Variants in HMCN1 observed in about 807,000 individuals in gnomAD.
HMCN1 encodes the protein hemicentin-1.
In HMCN1, 321 loss-of-function variants were observed where a neutral mutation model predicts 625.9. The observed-to-expected ratio is 0.51, with a 90% CI of 0.47 to 0.56. The LOEUF is 0.56. Among genes scored for constraint, HMCN1 ranks in the 20% least tolerant of loss-of-function variants. The pLI, the probability that HMCN1 is intolerant of heterozygous loss-of-function variation, is 0.00. For synonymous variants in HMCN1, 2,425 were observed against 2,417.6 expected (o/e 1.00, Z -0.09); for missense variants, 6,588 against 6,887.3 (o/e 0.96, Z 1.54).
intron 30 of HMCN1, among the ~76,000 whole-genome samples, chr1:186,011,662 C>A (rs1654012275): frequency 6.6e-6 from 1 of 152,102 alleles, no homozygotes; most frequent in Non-Finnish European, 1.5e-5. Flanking sequence ...GAAAATATAT[C>A]CACTGCAAAT....
chr1:186,052,938 T>C lies in HMCN1; in HGVS notation c.6578-14T>C. ...TGAAATGAGTGGAAAAATCATATTT[T>C]TATTTTTTTCTAGTCCCCCCAAATA... is the stretch of plus-strand genomic sequence containing the variant. On this transcript the variant is annotated splice_polypyrimidine_tract_variant and intron_variant, in intron 42 of 106. Coordinates refer to ENST00000271588, the MANE Select transcript of HMCN1 (RefSeq NM_031935.3). 6.3e-7 allele frequency: 1 copy of C among 1,594,834 alleles called. No homozygotes were observed. The highest frequency in any genetic ancestry group is 2.2e-5 in the East Asian group (1 of 44,562).
At chr1:185,923,939 A>C (rs568721151) in intron 8 of HMCN1, among the ~76,000 whole-genome samples, 66 of 152,338 alleles carry the variant, frequency 4.3e-4, no homozygotes, top group African/African-American at 1.5e-3. Flanking sequence ...CCCCTAAAAA[A>C]GCCAGGCAGA....
chr1:185,963,995 A>C, intron 13 of HMCN1, 100 bp downstream of exon 13: 2 of 964,964 alleles, frequency 2.1e-6, no homozygotes, highest in South Asian at 2.6e-5. Flanking sequence ...TAATGCATAC[A>C]TGGTATTATA....
rs377034688 is a variant in HMCN1 at position 186,165,220 on chromosome 1, A to G, written c.15319+47A>G. 24 of 1,506,062 alleles carry G rather than the reference A, an allele frequency of 1.6e-5. No homozygotes were observed. The African/African-American group carries it at 2.9e-4, about 18-fold the overall frequency. 93.3% of individuals were successfully genotyped at this position (1,506,062 alleles called of 1,614,324 possible). A position where few individuals can be genotyped will look rare whatever the true frequency, so the allele number is the denominator to read the frequency against. ...GGGTTTTCTTTTAATGAAAATGTCA[A>G]TATTGGATAGCATTTAATGGGTATC... On this transcript the variant is annotated intron_variant, in intron 98 of 106. Coordinates refer to ENST00000271588, the MANE Select transcript of HMCN1 (RefSeq NM_031935.3).
At chr1:186,116,004 A>G (rs1256309894) in intron 75 of HMCN1, among the ~76,000 whole-genome samples, 2 of 152,164 alleles carry the variant, frequency 1.3e-5, no homozygotes, top group Non-Finnish European at 2.9e-5. Flanking sequence ...CTATCAGATT[A>G]TTACTCTGTC....
intron 4 of HMCN1, among the ~76,000 whole-genome samples, chr1:185,890,386 C>A (rs1424447100): frequency 6.8e-6 from 1 of 147,362 alleles, no homozygotes; most frequent in Admixed American, 6.6e-5. Flanking sequence ...TTTTCTAGTT[C>A]TTTTAGTTGT....
In HMCN1 at chr1:186,088,221, T is replaced by G; in HGVS notation, c.9522T>G (p.Asp3174Glu). Reference protein sequence around the residue: ...TISNPVTLTCDATGIPPPTIA... With the variant: ...TISNPVTLTCEATGIPPPTIA... ...GCAATCCTGTGACATTAACATGTGA[T>G]GCCACTGGGATCCCACCTCCCACGA... is the stretch of plus-strand genomic sequence containing the variant. Residue 3174 changes from aspartate to glutamate, a missense_variant, in exon 62 of 107, where the codon GAT (aspartate) becomes GAG (glutamate). Transcript: ENST00000271588. The G allele has an allele frequency of 6.2e-7, 1 of 1,612,974 alleles. No individual in the cohort carries two copies. Among genetic ancestry groups the G allele is most frequent in the Non-Finnish European group, 8.5e-7 (1 of 1,179,362 alleles).
intron 71 of HMCN1, among the ~76,000 whole-genome samples, chr1:186,111,718 TA>T (rs533858733): frequency 1.4e-3 from 215 of 152,280 alleles, no homozygotes; most frequent in African/African-American, 4.7e-3. Flanking sequence ...AGTTAAAAAA[TA>T]AAATATTTTT....
intron 46 of HMCN1, among the ~76,000 whole-genome samples, chr1:186,060,484 C>T (rs1489619417): frequency 6.6e-6 from 1 of 152,046 alleles, no homozygotes; most frequent in African/African-American, 2.4e-5. Context: ...GTTGGCTCCT[C>T]TGCTTTTATC....
chr1:185,809,729 G>A (rs1433400020), intron 1 of HMCN1, among the ~76,000 whole-genome samples: 1 of 151,990 alleles, frequency 6.6e-6, no homozygotes, highest in Non-Finnish European at 1.5e-5. Context: ...GGATCAGTCA[G>A]GGAGGAGGTA....
At chr1:185,859,218 T>C (rs553095609) in intron 2 of HMCN1, among the ~76,000 whole-genome samples, 1 of 152,046 alleles carries the variant, frequency 6.6e-6, no homozygotes, top group South Asian at 2.1e-4. Flanking sequence ...TGATTCTTGA[T>C]CCTTAGTAAA....
intron 81 of HMCN1, among the ~76,000 whole-genome samples, chr1:186,124,410 AAAAG>A (rs1295618479): frequency 1.3e-5 from 2 of 152,112 alleles, no homozygotes; most frequent in East Asian, 1.9e-4. Flanking sequence ...TTCATTTTGA[AAAAG>A]AAAGAACTGA....
intron 36 of HMCN1, among the ~76,000 whole-genome samples, chr1:186,024,616 C>A (rs562905793): frequency 2.0e-5 from 3 of 152,240 alleles, no homozygotes; most frequent in Admixed American, 1.3e-4. Flanking sequence ...ATGTATGTTA[C>A]CTTGAGTAAA....
intron 1 of HMCN1, among the ~76,000 whole-genome samples, chr1:185,786,521 C>T (rs1647984834): frequency 6.6e-6 from 1 of 152,150 alleles, no homozygotes; most frequent in African/African-American, 2.4e-5. Context: ...AGTTCTCTAG[C>T]ATCTTGGCTT....
At chr1:185,865,513 A>G (rs569560670) in intron 3 of HMCN1, among the ~76,000 whole-genome samples, 1 of 151,974 alleles carries the variant, frequency 6.6e-6, no homozygotes, top group Admixed American at 6.6e-5. Context: ...CACTTCTAAA[A>G]TATAAATCAC....
Position 186,007,107 on chromosome 1 carries a change from A to G in HMCN1, c.4476-21A>G, listed in dbSNP as rs780890265. 2.5e-6 allele frequency: 4 copies of G among 1,591,546 alleles called. No individual in the cohort carries two copies. The East Asian group carries it at 6.7e-5, about 27-fold the overall frequency. On this transcript the variant is annotated intron_variant, in intron 29 of 106. Coordinates refer to ENST00000271588, the MANE Select transcript of HMCN1 (RefSeq NM_031935.3). ...GAAAAACTGAAAATAGACCCATGGA[A>G]TAAAGTTTTATTTTTTCTAGGCCTT... is the stretch of plus-strand genomic sequence containing the variant.
intron 15 of HMCN1, among the ~76,000 whole-genome samples, chr1:185,972,291 T>G (rs1038509041): frequency 1.3e-5 from 2 of 152,190 alleles, no homozygotes; most frequent in Non-Finnish European, 2.9e-5. Flanking sequence ...CATGCTTCTT[T>G]GCTTACTTGC....
At chr1:185,744,057 C>G (rs1306514993) in intron 1 of HMCN1, among the ~76,000 whole-genome samples, 1 of 141,526 alleles carries the variant, frequency 7.1e-6, no homozygotes, top group Admixed American at 7.5e-5. Flanking sequence ...GGCGCAATCT[C>G]GGCTCACTGC....
intron 1 of HMCN1, among the ~76,000 whole-genome samples, chr1:185,782,943 TCCAA>T (rs1173219275): frequency 5.9e-5 from 9 of 152,224 alleles, no homozygotes; most frequent in Non-Finnish European, 1.3e-4. Flanking sequence ...CAGAGTGTTT[TCCAA>T]CTTGGTTCCA....
Sources: allele counts gnomAD v4.1 joint callset (sites outside exome capture counted in the v4.1 genomes callset), GRCh38; gene constraint gnomAD v4.1.1; transcripts MANE v1.5; gene names NCBI Gene and HGNC (gene_info 2026-07-23, HGNC 2026-07-21).